FILIP1L: variants seen among roughly 807,000 people sequenced by gnomAD.
FILIP1L encodes filamin A interacting protein 1 like, also known as filamin A-interacting protein 1-like.
In FILIP1L, 55 loss-of-function variants were observed where a neutral mutation model predicts 96.6. The ratio of observed to expected loss-of-function variants is 0.57; its 90% CI spans 0.46 to 0.71. The LOEUF is 0.71. FILIP1L is among the 30% of genes least tolerant of loss of function. FILIP1L has a pLI of 0.00. For missense variants in FILIP1L, 1,304 were observed against 1,321.2 expected, an observed-to-expected ratio of 0.99 and a Z score of 0.20; for synonymous variants, 467 against 473.9, an observed-to-expected ratio of 0.99 and a Z score of 0.19.
chr3:99,840,374 C>T (rs1054822632), intron 5 of FILIP1L, among the ~76,000 whole-genome samples: 3 of 151,922 alleles, frequency 2.0e-5, no homozygotes, highest in Non-Finnish European at 4.4e-5. Flanking sequence ...CAGGTGCCCA[C>T]CACCATGCCC....
intron 4 of FILIP1L, among the ~76,000 whole-genome samples, chr3:99,879,006 A>T (rs1705632011): frequency 6.6e-6 from 1 of 152,230 alleles, no homozygotes; most frequent in Non-Finnish European, 1.5e-5. Context: ...TCAAAATTGG[A>T]TGAGAGAGTT....
chr3:99,914,102 C>T (rs564790737), intron 4 of FILIP1L, among the ~76,000 whole-genome samples: 2 of 152,252 alleles, frequency 1.3e-5, no homozygotes, highest in South Asian at 2.1e-4. Flanking sequence ...CCTTAGATCC[C>T]ACTATTTTCA....
intron 4 of FILIP1L, among the ~76,000 whole-genome samples, chr3:99,859,844 T>C (rs1944153949): frequency 6.6e-6 from 1 of 152,164 alleles, no homozygotes; most frequent in Non-Finnish European, 1.5e-5. Flanking sequence ...TTTTCACTGT[T>C]TAGTCTAAAT....
At position 99,981,886 on chromosome 3, in the gene FILIP1L, C is replaced by G. The variant is rs574750578; in HGVS notation, c.-10-50856G>C. Among the ~76,000 whole-genome samples, 31 of 152,278 alleles carry G rather than the reference C, an allele frequency of 2.0e-4. 2 individuals are homozygous for G. The East Asian group carries it at 5.6e-3, about 28-fold the overall frequency. Reference sequence around the variant, plus strand: ...AGGCATGGTGGCTCACACCTGTAATCCCAGCAAGGCGGGAGGATCGCTTGA... The same window carrying G: ...AGGCATGGTGGCTCACACCTGTAATGCCAGCAAGGCGGGAGGATCGCTTGA... On this transcript the variant is annotated intron_variant, in intron 1 of 5. Transcript: ENST00000477258.
At chr3:99,939,503 C>T (rs573855186) in intron 1 of FILIP1L, among the ~76,000 whole-genome samples, 39 of 152,286 alleles carry the variant, frequency 2.6e-4, no homozygotes, top group African/African-American at 9.4e-4. Context: ...TTTGATTGTG[C>T]CCCTTCAGCC....
chr3:99,996,889 A>G (rs192688411), intron 1 of FILIP1L, among the ~76,000 whole-genome samples: 10 of 152,238 alleles, frequency 6.6e-5, no homozygotes, highest in Admixed American at 6.5e-4. Flanking sequence ...GGACACAGCC[A>G]AACCATATCA....
intron 1 of FILIP1L, among the ~76,000 whole-genome samples, chr3:99,942,632 G>T (rs1473967670): frequency 6.6e-6 from 1 of 152,128 alleles, no homozygotes; most frequent in Non-Finnish European, 1.5e-5. Flanking sequence ...AGGAGTTCAA[G>T]ACCAGCCTGG....
chr3:100,006,413 A>G (rs1453851586), intron 1 of FILIP1L, among the ~76,000 whole-genome samples: 1 of 152,064 alleles, frequency 6.6e-6, no homozygotes, highest in Non-Finnish European at 1.5e-5. Flanking sequence ...CCCCATAATT[A>G]TCATAACTAT....
intron 1 of FILIP1L, among the ~76,000 whole-genome samples, chr3:99,937,439 A>T (rs1707714105): frequency 6.6e-6 from 1 of 152,236 alleles, no homozygotes. Context: ...CACTGCTGTC[A>T]TATTGAAGTG....
At chr3:99,887,488 G>A (rs538066610) in intron 4 of FILIP1L, among the ~76,000 whole-genome samples, 3 of 152,300 alleles carry the variant, frequency 2.0e-5, no homozygotes, top group South Asian at 4.1e-4. Flanking sequence ...TGACTGAGAG[G>A]TCACATAAGA....
At chr3:99,985,830 C>T (rs1272389394) in intron 1 of FILIP1L, among the ~76,000 whole-genome samples, 3 of 152,122 alleles carry the variant, frequency 2.0e-5, no homozygotes, top group Admixed American at 2.0e-4. Flanking sequence ...CTCAGGTGAT[C>T]CACCCACCTC....
At chr3:99,862,733 C>A (rs972864928) in intron 4 of FILIP1L, among the ~76,000 whole-genome samples, 22 of 152,134 alleles carry the variant, frequency 1.4e-4, no homozygotes, top group African/African-American at 4.8e-4. Context: ...CTGTTAGATT[C>A]TTTGTGTTCG....
chr3:99,903,309 TG>T (rs1171818266), intron 4 of FILIP1L, among the ~76,000 whole-genome samples: 1 of 152,040 alleles, frequency 6.6e-6, no homozygotes, highest in Non-Finnish European at 1.5e-5. Context: ...TGGAGTGCAG[TG>T]GCGTGATCTC....
chr3:99,880,537 A>G (rs909850815), intron 4 of FILIP1L, among the ~76,000 whole-genome samples: 1 of 152,166 alleles, frequency 6.6e-6, no homozygotes, highest in African/African-American at 2.4e-5. Flanking sequence ...TGACTCTAGA[A>G]CAGTGACATA....
At chr3:100,007,189 G>T (rs1710012734) in intron 1 of FILIP1L, among the ~76,000 whole-genome samples, 1 of 152,074 alleles carries the variant, frequency 6.6e-6, no homozygotes. Flanking sequence ...TGCTCTTAAG[G>T]CTTTTATTGC....
intron 4 of FILIP1L, chr3:99,874,486 C>G (rs1705403559): frequency 6.6e-6 from 1 of 152,130 alleles, no homozygotes; most frequent in Non-Finnish European, 1.5e-5. Context: ...GGTGGGCTTC[C>G]CTAGGTTTGA....
At chr3:100,102,631 AT>A (rs1450015915) in intron 1 of FILIP1L, among the ~76,000 whole-genome samples, 10 of 152,162 alleles carry the variant, frequency 6.6e-5, no homozygotes, top group Non-Finnish European at 1.5e-4. Context: ...GGCAAGGACA[AT>A]GCCAAGCTGC....
chr3:100,072,879 C>G (rs1236739327), intron 1 of FILIP1L, among the ~76,000 whole-genome samples: 1 of 152,188 alleles, frequency 6.6e-6, no homozygotes, highest in Admixed American at 6.5e-5. Context: ...CCCACTTCCT[C>G]TAACTTGTCA....
Position 100,066,517 on chromosome 3 carries a change from CTTTTTTTTTTTTTTTTT to C in FILIP1L, c.-11+47519_-11+47535del, listed in dbSNP as rs545356638. 2.1e-4 allele frequency among the ~76,000 whole-genome samples: 8 copies of C among 38,318 alleles called. No homozygotes were observed. The East Asian group carries it at 2.4e-3, about 12-fold the overall frequency. 25.1% of individuals were successfully genotyped at this position (38,318 alleles called of 152,430 possible). ...AAGGATGATGTGGAAGGCTTTGCTT[CTTTTTTTTTTTTTTTTT>C]TTTTTTTTTTTTTTTGAGACGGAGT... On this transcript the variant is annotated intron_variant, in intron 1 of 5. Coordinates refer to ENST00000477258, the MANE Select transcript of FILIP1L (RefSeq NM_001387850.1).
Sources: gnomAD v4.1 joint callset for allele counts (sites outside exome capture counted in the v4.1 genomes callset) on GRCh38, gnomAD v4.1.1 for gene constraint, MANE v1.5 for transcripts, NCBI Gene and HGNC (gene_info 2026-07-23, HGNC 2026-07-21) for gene names.